Variants in NAALAD2 observed in about 807,000 individuals in gnomAD.
NAALAD2 encodes N-acetylated alpha-linked acidic dipeptidase 2.
NAALAD2 carries 89 observed loss-of-function variants against 95.6 expected under a neutral mutation model. That is an observed-to-expected ratio of 0.93 (90% CI 0.78 to 1.11). The LOEUF (loss-of-function observed/expected upper bound fraction) is 1.11, where lower values mean the gene tolerates loss of function less well. Among genes scored for constraint, NAALAD2 ranks in the 50% least tolerant of loss-of-function variants. The pLI is 0.00. For missense variants in NAALAD2, 894 were observed against 872.4 expected, an observed-to-expected ratio of 1.02 and a Z score of -0.31; for synonymous variants, 264 against 294.4, an observed-to-expected ratio of 0.90 and a Z score of 1.06.
At chr11:90,185,423 C>T (rs992395904) in intron 18 of NAALAD2, among the ~76,000 whole-genome samples, 43 of 152,090 alleles carry the variant, frequency 2.8e-4, no homozygotes, top group Middle Eastern at 3.4e-3. Flanking sequence ...GTAATCCCAG[C>T]GCTTTGGGAG....
At chr11:90,149,206 T>C in intron 4 of NAALAD2, 99 bp downstream of exon 4, 1 of 585,776 alleles carries the variant, frequency 1.7e-6, no homozygotes, top group Non-Finnish European at 2.9e-6. Context: ...GGTGAATCAT[T>C]CATGCGGGTT....
At chr11:90,156,554 C>T (rs1055210574) in intron 6 of NAALAD2, among the ~76,000 whole-genome samples, 1 of 151,992 alleles carries the variant, frequency 6.6e-6, no homozygotes, top group Non-Finnish European at 1.5e-5. Flanking sequence ...TAGCTGCATC[C>T]TACAGTTTTT....
intron 13 of NAALAD2, among the ~76,000 whole-genome samples, chr11:90,170,692 G>A (rs1330155366): frequency 6.6e-6 from 1 of 152,180 alleles, no homozygotes; most frequent in African/African-American, 2.4e-5. Context: ...ATCCTGAGGT[G>A]GCTGGGGGAA....
chr11:90,165,892 AAAT>A (rs1590998093), intron 11 of NAALAD2, among the ~76,000 whole-genome samples: 1 of 152,198 alleles, frequency 6.6e-6, no homozygotes, highest in South Asian at 2.1e-4. Flanking sequence ...CTAATATATA[AAAT>A]AATAAAAACG....
intron 16 of NAALAD2, among the ~76,000 whole-genome samples, chr11:90,178,501 C>T (rs766928412): frequency 1.3e-5 from 2 of 151,998 alleles, no homozygotes; most frequent in Non-Finnish European, 2.9e-5. Context: ...GAAACCGCGT[C>T]TCTACTGAAA....
intron 5 of NAALAD2, 34 bp downstream of exon 5, chr11:90,150,641 G>A (rs771402714): frequency 3.9e-6 from 6 of 1,543,090 alleles, no homozygotes; most frequent in Non-Finnish European, 8.9e-7. Context: ...CAGAGAATGA[G>A]AGGATATATA....
chr11:90,153,015 C>T (rs1409191655), intron 6 of NAALAD2, among the ~76,000 whole-genome samples: 1 of 152,102 alleles, frequency 6.6e-6, no homozygotes, highest in Non-Finnish European at 1.5e-5. Context: ...TCCCACCCTC[C>T]CAACTCTTCC....
intron 16 of NAALAD2, among the ~76,000 whole-genome samples, chr11:90,179,463 T>C (rs1952899329): frequency 6.6e-6 from 1 of 152,100 alleles, no homozygotes; most frequent in East Asian, 1.9e-4. Context: ...TTCTGAATAT[T>C]ATTATATAAA....
Position 90,135,541 on chromosome 11 carries a change from T to C in NAALAD2, c.83-18T>C. The stretch of plus-strand genomic sequence containing the variant: ...TTTTGTGTGTATGTGTGCATGTTTG[T>C]GTATTTTTTTTCCTTAGGCTGGTTT... On this transcript the variant is annotated intron_variant, in intron 1 of 18. Transcript: ENST00000534061. The C allele has an allele frequency of 1.9e-6, 3 of 1,565,350 alleles. No homozygotes were observed. Among genetic ancestry groups the C allele is most frequent in the Non-Finnish European group, 2.6e-6 (3 of 1,142,114 alleles).
At chr11:90,187,278 T>A (rs1857180972) in intron 18 of NAALAD2, among the ~76,000 whole-genome samples, 1 of 152,032 alleles carries the variant, frequency 6.6e-6, no homozygotes, top group Admixed American at 6.6e-5. Flanking sequence ...TCCTCAGGGA[T>A]CTAGAACTAG....
chr11:90,185,060 T>C (rs1857094282), intron 18 of NAALAD2, among the ~76,000 whole-genome samples: 1 of 152,018 alleles, frequency 6.6e-6, no homozygotes, highest in South Asian at 2.1e-4. Flanking sequence ...ATAAGGGAGT[T>C]GAGCATCCTT....
chr11:90,182,423 C>T (rs1185093947), intron 17 of NAALAD2, among the ~76,000 whole-genome samples: 1 of 152,110 alleles, frequency 6.6e-6, no homozygotes, highest in African/African-American at 2.4e-5. Flanking sequence ...TTACTCAACT[C>T]CCCAAAGGGA....
At chr11:90,170,540 A>G (rs931076896) in intron 13 of NAALAD2, among the ~76,000 whole-genome samples, 3 of 152,260 alleles carry the variant, frequency 2.0e-5, no homozygotes, top group Admixed American at 6.5e-5. Context: ...TATAGCAGCA[A>G]TAGTGATAAG....
At chr11:90,172,942 C>G (rs1419021427) in intron 13 of NAALAD2, among the ~76,000 whole-genome samples, 2 of 151,972 alleles carry the variant, frequency 1.3e-5, no homozygotes, top group African/African-American at 4.8e-5. Context: ...AGTTATAATG[C>G]TTTCACAGTT....
intron 4 of NAALAD2, among the ~76,000 whole-genome samples, chr11:90,149,682 C>T (rs1299547568): frequency 6.6e-6 from 1 of 152,062 alleles, no homozygotes; most frequent in Non-Finnish European, 1.5e-5. Flanking sequence ...AGGTGATCTG[C>T]TTGCCTCAGC....
chr11:90,157,229 G>T (rs1200594548), intron 6 of NAALAD2, among the ~76,000 whole-genome samples: 1 of 152,014 alleles, frequency 6.6e-6, no homozygotes, highest in East Asian at 1.9e-4. Context: ...TCTCATGATA[G>T]AACTATTATT....
At chr11:90,156,675 T>A (rs2134894629) in intron 6 of NAALAD2, among the ~76,000 whole-genome samples, 1 of 152,208 alleles carries the variant, frequency 6.6e-6, no homozygotes, top group South Asian at 2.1e-4. Flanking sequence ...AACCGCAAAC[T>A]CCCAGGCTCA....
chr11:90,172,719 T>C (rs1158618522), intron 13 of NAALAD2, among the ~76,000 whole-genome samples: 1 of 152,186 alleles, frequency 6.6e-6, no homozygotes, highest in Non-Finnish European at 1.5e-5. Flanking sequence ...TCCAAGAGGG[T>C]AGAGACTATG....
At chr11:90,152,552 A>G (rs1373604844) in intron 6 of NAALAD2, 68 bp downstream of exon 6, 13 of 1,242,040 alleles carry the variant, frequency 1.0e-5, no homozygotes, top group Non-Finnish European at 1.5e-5. Context: ...AAGGAATACA[A>G]GCAAGCATGT....
Sources: gnomAD v4.1 joint callset for allele counts (sites outside exome capture counted in the v4.1 genomes callset) on GRCh38, gnomAD v4.1.1 for gene constraint, MANE v1.5 for transcripts, NCBI Gene and HGNC (gene_info 2026-07-23, HGNC 2026-07-21) for gene names.